USP6: variants seen among roughly 807,000 people sequenced by gnomAD.
USP6 encodes ubiquitin specific peptidase 6, also known as ubiquitin carboxyl-terminal hydrolase 6.
USP6 carries 128 observed loss-of-function variants against 175.7 expected under a neutral mutation model. The ratio of observed to expected loss-of-function variants is 0.73; its 90% confidence interval spans 0.63 to 0.84. The LOEUF (loss-of-function observed/expected upper bound fraction) is 0.84. USP6 is among the 40% of genes least tolerant of loss of function. The pLI is 0.00. For synonymous variants in USP6, 562 were observed against 630.6 expected, an observed-to-expected ratio of 0.89 and a Z score of 1.63; for missense variants, 1,498 against 1,760.3, an observed-to-expected ratio of 0.85 and a Z score of 2.67.
chr17:5,155,386 G>C, intron 30 of USP6, 36 bp from the exon 31 acceptor site: 2 of 1,606,646 alleles, frequency 1.2e-6, no homozygotes, highest in Non-Finnish European at 1.7e-6. Flanking sequence ...TCAGAGGCCT[G>C]TCTTCTCAAC....
Position 5,168,758 on chromosome 17 carries a change from C to T in USP6, c.3229-9C>T, listed in dbSNP as rs1202621563. Reference sequence around the variant, plus strand: ...TTTAATGCGATGTTTTCTACCTTTACTTCTCCAGATTATTCACCTTAAGCG... The same window carrying T: ...TTTAATGCGATGTTTTCTACCTTTATTTCTCCAGATTATTCACCTTAAGCG... On this transcript the variant is annotated splice_polypyrimidine_tract_variant and intron_variant, in intron 34 of 37. Coordinates refer to ENST00000574788, the MANE Select transcript of USP6 (RefSeq NM_001304284.2). 6.4e-7 allele frequency: 1 copy of T among 1,551,922 alleles called. No individual in the cohort carries two copies. The highest frequency in any genetic ancestry group is 8.7e-7 in the Non-Finnish European group (1 of 1,150,204).
intron 31 of USP6, among the ~76,000 whole-genome samples, chr17:5,156,572 C>T (rs954606768): frequency 1.3e-5 from 2 of 152,152 alleles, no homozygotes; most frequent in South Asian, 2.1e-4. Context: ...TCCCAAAGTG[C>T]GGGGATTACA....
intron 4 of USP6, among the ~76,000 whole-genome samples, chr17:5,123,673 C>G (rs900707395): frequency 6.6e-6 from 1 of 152,208 alleles, no homozygotes; most frequent in African/African-American, 2.4e-5. Context: ...TCACACGTTC[C>G]TGCAGGTGCC....
Position 5,167,942 on chromosome 17 carries a change from A to G in USP6, c.3047A>G (p.Lys1016Arg). ...YQTSQERVVDKHESVEQSRRA... is the reference protein window; with the variant it reads ...YQTSQERVVDRHESVEQSRRA... ...TCCCTCTACCTACAGGTTGTAGATA[A>G]GCATGAGAGTGTGGAGCAGAGTCGG... Residue 1016 changes from lysine (K) to arginine (R), a missense_variant, in exon 34 of 38, where the codon AAG becomes AGG. This residue lies in a region of USP6 where 1,217 missense variants were observed against 1,500.8 expected (regional missense o/e 0.81). Transcript: ENST00000574788. The G allele has an allele frequency of 6.2e-7, 1 of 1,610,862 alleles. No individual in the cohort carries two copies. The highest frequency in any genetic ancestry group is 8.5e-7 in the Non-Finnish European group (1 of 1,179,002).
chr17:5,133,079 C>T (rs1213610022), intron 13 of USP6, 89 bp downstream of exon 13: 7 of 1,477,798 alleles, frequency 4.7e-6, no homozygotes, highest in Non-Finnish European at 6.5e-6. Context: ...CCGTCAGCCT[C>T]TCAGAGGGCG....
chr17:5,163,318 G>A (rs2074040712), intron 33 of USP6, among the ~76,000 whole-genome samples: 1 of 152,204 alleles, frequency 6.6e-6, no homozygotes, highest in South Asian at 2.1e-4. Context: ...TCAAGGACAT[G>A]GTCCTGGCTT....
At chr17:5,133,648 G>A (rs2073153231) in intron 14 of USP6, 98 bp downstream of exon 14, 2 of 966,594 alleles carry the variant, frequency 2.1e-6, no homozygotes, top group African/African-American at 1.6e-5. Context: ...GTGGGGGGGT[G>A]GGAGGGGATG....
chr17:5,172,690 C>T (rs2074252805), intron 37 of USP6, 115 bp from the exon 38 acceptor site: 1 of 1,428,172 alleles, frequency 7.0e-7, no homozygotes, highest in African/African-American at 1.4e-5. Context: ...AACTAGTGAG[C>T]TTATTGGAAG....
chr17:5,147,055 C>G (rs1487003889), intron 28 of USP6, 28 bp from the exon 29 acceptor site: 51 of 1,585,770 alleles, frequency 3.2e-5, no homozygotes, highest in Non-Finnish European at 4.3e-5. Context: ...AACATCTCCC[C>G]CTTCTCATCT....
Position 5,169,023 on chromosome 17 carries a change from C to T in USP6, c.3485C>T (p.Ser1162Leu). The T allele has an allele frequency of 6.2e-7, 1 of 1,612,922 alleles. No homozygotes were observed. Among genetic ancestry groups the T allele is most frequent in the Non-Finnish European group, 8.5e-7 (1 of 1,179,378 alleles). ...ATGCTCCTAAGCAAAAGCCCATCCT[C>T]ACTCAGCGCTAACATCAGCAGCAGC... Reference protein sequence around the residue: ...EDMLLSKSPSSLSANISSSPK... With the variant: ...EDMLLSKSPSLLSANISSSPK... The change falls in exon 35 of 38, where the codon TCA becomes TTA. Residue 1162 changes from serine to leucine, a missense_variant. Ser to Leu is a moderately radical substitution (Grantham distance 145). Coordinates refer to ENST00000574788, the MANE Select transcript of USP6 (RefSeq NM_001304284.2).
intron 1 of USP6, among the ~76,000 whole-genome samples, 174 bp from the exon 2 acceptor site, chr17:5,118,026 G>A (rs2143687059): frequency 6.7e-6 from 1 of 149,768 alleles, no homozygotes; most frequent in South Asian, 2.1e-4. Flanking sequence ...CCGAGATCAT[G>A]CCACTGCACT....
rs1434968978 is a variant in USP6, at chr17:5,144,715, A to C, written c.1844A>C (p.Lys615Thr). ...LRRTIAKYAPKFDGFQQQDSQ... is the reference protein window; with the variant it reads ...LRRTIAKYAPTFDGFQQQDSQ... ...CGGACCATAGCAAAATATGCTCCCA[A>C]GTTTGATGGGTTTCAGCAACAAGAC... The change falls in exon 26 of 38, where the codon AAG (lysine) becomes ACG (threonine). Residue 615 changes from lysine (K) to threonine (T), a missense_variant. Around this residue, in one of 2 missense-constraint regions of USP6, gnomAD observed 1,217 missense variants for 1,500.8 expected, o/e 0.81. Coordinates refer to ENST00000574788, the MANE Select transcript of USP6 (RefSeq NM_001304284.2). 1 of 1,613,570 alleles carries C rather than the reference A, an allele frequency of 6.2e-7. No homozygotes were observed. Among genetic ancestry groups the C allele is most frequent in the African/African-American group, 1.3e-5 (1 of 74,890 alleles).
At chr17:5,120,017 C>G (rs1355858922) in intron 2 of USP6, among the ~76,000 whole-genome samples, 1 of 152,102 alleles carries the variant, frequency 6.6e-6, no homozygotes, top group Non-Finnish European at 1.5e-5. Context: ...GATAGAGATC[C>G]AAGGTCCTGC....
At chr17:5,133,650 G>GGGT in intron 14 of USP6, 100 bp downstream of exon 14, 2 of 556,552 alleles carry the variant, frequency 3.6e-6, no homozygotes, top group East Asian at 4.5e-5. Flanking sequence ...GGGGGGGTGG[G>GGGT]AGGGGATGGT....
At chr17:5,147,011 TACATTAGAGAGAGA>T (rs2073630380) in intron 28 of USP6, 58 bp from the exon 29 acceptor site, 1 of 1,399,926 alleles carries the variant, frequency 7.1e-7, no homozygotes, top group African/African-American at 1.5e-5. Context: ...TCTTTTGAAA[TACATTAGAGAGAGA>T]ACTTTTCCTT....
chr17:5,167,215 C>G (rs1204559923), intron 33 of USP6, among the ~76,000 whole-genome samples: 2 of 151,932 alleles, frequency 1.3e-5, no homozygotes, highest in Admixed American at 6.5e-5. Flanking sequence ...TGTTATTTCT[C>G]CTAGCCTCGT....
At chr17:5,123,462 GCCGGCC>G (rs2072774548) in intron 4 of USP6, among the ~76,000 whole-genome samples, 1 of 152,044 alleles carries the variant, frequency 6.6e-6, no homozygotes, top group Non-Finnish European at 1.5e-5. Context: ...CAGGCAGGGG[GCCGGCC>G]CAGCCCGCGT....
rs3213878 is a variant in USP6, at chr17:5,135,843, C to T, written c.579C>T (p.Thr193=). The T allele has an allele frequency of 0.11, 170,676 of 1,598,898 alleles. 10,141 individuals carry two copies. Among genetic ancestry groups the T allele is most frequent in the African/African-American group, 0.16 (12,280 of 74,928 alleles). ...ACTGCAGGGACCTGAGCCACATCAC[C>T]GCCTTGTTCCTCCTTTATCTGCCTG... The part of the protein sequence containing the change: ...VGYCRDLSHI[T]ALFLLYLPEE... Residue 193 remains threonine, a synonymous_variant, in exon 17 of 38, where the codon ACC becomes ACT. Coordinates refer to ENST00000574788, the MANE Select transcript of USP6 (RefSeq NM_001304284.2).
chr17:5,168,155 G>C (rs773590540), intron 34 of USP6, 32 bp downstream of exon 34: 1 of 1,540,950 alleles, frequency 6.5e-7, no homozygotes, highest in South Asian at 1.2e-5. Flanking sequence ...GAGAGAGCAG[G>C]AATCTAGCAT....
Sources: gnomAD v4.1 joint callset for allele counts (sites outside exome capture counted in the v4.1 genomes callset) on GRCh38, gnomAD v4.1.1 for gene constraint, gnomAD v4.1.1 regional missense constraint, MANE v1.5 for transcripts, NCBI Gene and HGNC (gene_info 2026-07-23, HGNC 2026-07-21) for gene names.